DMD: variants seen among roughly 807,000 people sequenced by gnomAD.
The protein encoded by DMD is dystrophin.
A neutral mutation model predicts 330.1 loss-of-function variants in DMD; 63 were observed. That is an observed-to-expected ratio of 0.19 (90% CI 0.16 to 0.24). DMD has a LOEUF of 0.24. Among genes scored for constraint, DMD ranks in the 10% least tolerant of loss-of-function variants. DMD has a pLI of 1.00. For synonymous variants in DMD, 1,223 were observed against 959.8 expected, an observed-to-expected ratio of 1.27 and a Z score of -5.07; for missense variants, 3,344 against 2,684.1, an observed-to-expected ratio of 1.25 and a Z score of -5.43.
chrX:33,020,214 T>A lies in DMD; in HGVS notation c.32-14A>T. ...CTTCTCTTTCATCTAAAATGCAAAA[T>A]AAAAAAATAAAAGTTAGGAAGCAAC... On this transcript the variant is annotated splice_polypyrimidine_tract_variant and intron_variant, in intron 1 of 78. Coordinates refer to ENST00000357033, the MANE Select transcript of DMD (RefSeq NM_004006.3). The A allele has an allele frequency of 9.0e-7, 1 of 1,110,744 alleles. No homozygotes were observed. The highest frequency in any genetic ancestry group is 1.2e-6 in the Non-Finnish European group (1 of 813,682). 91.5% of individuals were successfully genotyped at this position (1,110,744 alleles called of 1,213,427 possible).
intron 44 of DMD, among the ~76,000 whole-genome samples, chrX:32,166,643 G>A (rs1002030468): frequency 1.8e-5 from 2 of 110,758 alleles, no homozygotes; most frequent in Non-Finnish European, 3.8e-5. Context: ...TCTGTTTTTG[G>A]TTATCCTTGT....
At chrX:32,976,969 C>T (rs748590663) in intron 2 of DMD, among the ~76,000 whole-genome samples, 7 of 110,845 alleles carry the variant, frequency 6.3e-5, no homozygotes, top group South Asian at 7.7e-4. Flanking sequence ...AAAACCTATA[C>T]GGTACATAGA....
chrX:31,924,641 A>G (rs1387265821), intron 47 of DMD, among the ~76,000 whole-genome samples: 1 of 111,964 alleles, frequency 8.9e-6, no homozygotes, highest in Non-Finnish European at 1.9e-5. Flanking sequence ...TACAAAAATT[A>G]TTCCCATATT....
At chrX:32,719,006 T>C (rs964840369) in intron 7 of DMD, among the ~76,000 whole-genome samples, 11 of 111,860 alleles carry the variant, frequency 9.8e-5, no homozygotes, top group Non-Finnish European at 1.7e-4. Context: ...ATATTCTTGG[T>C]AGCAAAATAG....
At chrX:32,982,311 A>G (rs1470155663) in intron 2 of DMD, among the ~76,000 whole-genome samples, 2 of 111,654 alleles carry the variant, frequency 1.8e-5, no homozygotes, top group Non-Finnish European at 3.8e-5. Flanking sequence ...AGATCAACCA[A>G]CCTAGCACTG....
At chrX:31,495,604 T>C (rs1021136942) in intron 57 of DMD, among the ~76,000 whole-genome samples, 2 of 112,045 alleles carry the variant, frequency 1.8e-5, no homozygotes, top group Non-Finnish European at 3.8e-5. Flanking sequence ...GTTGTTATTA[T>C]AAAAATTGGT....
At chrX:31,486,344 A>C (rs1428990124) in intron 57 of DMD, among the ~76,000 whole-genome samples, 1 of 112,299 alleles carries the variant, frequency 8.9e-6, no homozygotes, top group Non-Finnish European at 1.9e-5. Context: ...CTTGCAGGGG[A>C]AAGCCTGGAC....
chrX:32,051,592 A>T (rs1258440286), intron 44 of DMD, among the ~76,000 whole-genome samples: 1 of 109,811 alleles, frequency 9.1e-6, no homozygotes, highest in Non-Finnish European at 1.9e-5. Flanking sequence ...AAGTGAATGA[A>T]TATGTAGAAA....
intron 48 of DMD, among the ~76,000 whole-genome samples, chrX:31,843,826 C>G (rs6527125): frequency 0.35 from 38,516 of 110,173 alleles, 5,715 homozygotes; most frequent in African/African-American, 0.57. Context: ...TTTTCTTCTG[C>G]GATTCTTCTA....
chrX:32,455,188 ATTCT>A (rs1373041867), intron 25 of DMD, among the ~76,000 whole-genome samples: 1 of 111,506 alleles, frequency 9.0e-6, no homozygotes, highest in Non-Finnish European at 1.9e-5. Flanking sequence ...AGAAATAGTT[ATTCT>A]TTGTGTTCTT....
At chrX:33,067,698 A>G (rs1156631222) in intron 1 of DMD, among the ~76,000 whole-genome samples, 1 of 110,571 alleles carries the variant, frequency 9.0e-6, no homozygotes, top group Admixed American at 9.7e-5. Context: ...AAAAAAAATT[A>G]TCCGGGTGTG....
At chrX:32,229,074 GTGTA>G (rs2097158123) in intron 43 of DMD, among the ~76,000 whole-genome samples, 1 of 14,457 alleles carries the variant, frequency 6.9e-5, no homozygotes, top group Admixed American at 1.1e-3. Context: ...ATAGCTTATA[GTGTA>G]TGTTTTTTGT....
chrX:31,681,524 T>C (rs762437092), intron 52 of DMD, among the ~76,000 whole-genome samples: 40 of 112,030 alleles, frequency 3.6e-4, no homozygotes, highest in Non-Finnish European at 6.8e-4. Flanking sequence ...ATAAATATCT[T>C]GACCTCACTT....
At chrX:32,176,315 T>G (rs1178445685) in intron 44 of DMD, among the ~76,000 whole-genome samples, 3 of 112,171 alleles carry the variant, frequency 2.7e-5, no homozygotes, top group South Asian at 3.7e-4. Flanking sequence ...GGACCTATGC[T>G]TCCTTGTACG....
intron 50 of DMD, among the ~76,000 whole-genome samples, chrX:31,801,678 AATC>A (rs1479700772): frequency 9.3e-6 from 1 of 107,850 alleles, no homozygotes; most frequent in Non-Finnish European, 1.9e-5. Flanking sequence ...AGTCATATAA[AATC>A]ATCATGTTGT....
chrX:32,056,627 G>A (rs1273298706), intron 44 of DMD, among the ~76,000 whole-genome samples: 1 of 110,412 alleles, frequency 9.1e-6, no homozygotes, highest in Non-Finnish European at 1.9e-5. Context: ...TGAATCAGTA[G>A]TCCAAAACCT....
intron 1 of DMD, among the ~76,000 whole-genome samples, chrX:33,171,983 C>T (rs2049372436): frequency 1.8e-5 from 2 of 110,710 alleles, no homozygotes; most frequent in Non-Finnish European, 3.8e-5. Flanking sequence ...TCAGGTGATT[C>T]CCTCATGATG....
chrX:31,167,962 G>A (rs914387605), intron 74 of DMD, among the ~76,000 whole-genome samples: 1 of 112,285 alleles, frequency 8.9e-6, no homozygotes, highest in Admixed American at 9.4e-5. Flanking sequence ...AATTTTCTGA[G>A]AAAGGTCCAA....
At chrX:32,082,817 C>G (rs2096403770) in intron 44 of DMD, among the ~76,000 whole-genome samples, 1 of 111,789 alleles carries the variant, frequency 8.9e-6, no homozygotes, top group Admixed American at 9.5e-5. Flanking sequence ...TCCCTCCCAA[C>G]CATACCTCCC....
Sources: allele counts gnomAD v4.1 joint callset (sites outside exome capture counted in the v4.1 genomes callset), GRCh38; gene constraint gnomAD v4.1.1; transcripts MANE v1.5; gene names NCBI Gene and HGNC (gene_info 2026-07-23, HGNC 2026-07-21).